Variants in BANP observed in about 807,000 individuals in gnomAD.
BANP encodes protein BANP.
A neutral mutation model predicts 68.1 loss-of-function variants in BANP; 11 were observed. The ratio of observed to expected loss-of-function variants is 0.16; its 90% CI spans 0.10 to 0.27. BANP has a LOEUF of 0.27. Ranked by LOEUF, BANP falls within the 10% of genes least tolerant of loss-of-function variation. The pLI, the probability that BANP is intolerant of heterozygous loss-of-function variation, is 1.00. For synonymous variants in BANP, 329 were observed against 303.2 expected, an observed-to-expected ratio of 1.09 and a Z score of -0.88; for missense variants, 504 against 722.7, an observed-to-expected ratio of 0.70 and a Z score of 3.47.
intron 1 of BANP, chr16:87,963,575 C>G (rs1597796842): frequency 6.6e-6 from 1 of 152,264 alleles, no homozygotes; most frequent in East Asian, 1.9e-4. Flanking sequence ...TGACTGCGTC[C>G]AAATCAGATG....
At chr16:88,070,587 G>T (rs1310964817) in intron 12 of BANP, among the ~76,000 whole-genome samples, 1 of 152,150 alleles carries the variant, frequency 6.6e-6, no homozygotes, top group African/African-American at 2.4e-5. Flanking sequence ...TGTCTGCAAA[G>T]GACCAGGGGG....
At chr16:88,073,422 G>GCA (rs1233170990) in intron 13 of BANP, among the ~76,000 whole-genome samples, 1 of 151,906 alleles carries the variant, frequency 6.6e-6, no homozygotes, top group Non-Finnish European at 1.5e-5. Context: ...CTGCCCATGG[G>GCA]CGCGGTGGCC....
At chr16:87,963,350 C>T (rs1258206910) in intron 1 of BANP, 1 of 152,264 alleles carries the variant, frequency 6.6e-6, no homozygotes, top group East Asian at 1.9e-4. Context: ...CTTTTTACAG[C>T]AGGGAATATA....
chr16:88,061,024 C>T (rs931619598), intron 11 of BANP, among the ~76,000 whole-genome samples: 4 of 152,276 alleles, frequency 2.6e-5, no homozygotes, highest in Non-Finnish European at 5.9e-5. Flanking sequence ...CTCCCAGGAG[C>T]GCCGCCCTGC....
rs1278001385 is a variant in BANP at position 88,036,045 on chromosome 16, G to A, written c.1272+651G>A. Among the ~76,000 whole-genome samples, 2 of 152,214 alleles carry A rather than the reference G, an allele frequency of 1.3e-5. No homozygotes were observed. Among genetic ancestry groups the A allele is most frequent in the Non-Finnish European group, 2.9e-5 (2 of 68,042 alleles). ...TGGAAAGCCGAGGCCAGCCTGTTGC[G>A]ATGCTCCATGTTTGCATGCCAGAGC... is the stretch of plus-strand genomic sequence containing the variant. On this transcript the variant is annotated intron_variant, in intron 10 of 13. Transcript: ENST00000682872. The surrounding 1 kb of genome is among the most constrained non-coding windows in gnomAD (Gnocchi z 4.2).
intron 7 of BANP, among the ~76,000 whole-genome samples, chr16:88,019,483 G>T (rs1390363612): frequency 6.6e-6 from 1 of 150,596 alleles, no homozygotes; most frequent in African/African-American, 2.4e-5. Flanking sequence ...ATGTAAATCT[G>T]ATCTCGAAAC....
At chr16:87,958,842 T>C (rs574016138) in intron 1 of BANP, among the ~76,000 whole-genome samples, 2 of 152,192 alleles carry the variant, frequency 1.3e-5, no homozygotes, top group South Asian at 4.1e-4. Flanking sequence ...AATCCACCAG[T>C]GAGCTCAGCG....
In BANP at chr16:88,056,736, A is replaced by G. The variant is rs114550676; in HGVS notation, c.1312-8531A>G. Among the ~76,000 whole-genome samples, 1,449 of 152,254 alleles carry G rather than the reference A, an allele frequency of 9.5e-3. 19 individuals carry two copies. Among genetic ancestry groups the G allele is most frequent in the African/African-American group, 0.032 (1,337 of 41,532 alleles). On this transcript the variant is annotated intron_variant, in intron 11 of 13. Transcript: ENST00000682872. ...ATGATTCGAAGATTGTTTTTGATCA[A>G]TTTTACCATTTTCAAATATATATTT... is the stretch of plus-strand genomic sequence containing the variant.
At chr16:88,038,961 A>G (rs1369126632) in intron 11 of BANP, among the ~76,000 whole-genome samples, 1 of 152,234 alleles carries the variant, frequency 6.6e-6, no homozygotes, top group Non-Finnish European at 1.5e-5. Flanking sequence ...AGAAACCTGC[A>G]TGCGTTCTCT....
chr16:88,030,513 C>T (rs2077942668), intron 8 of BANP, among the ~76,000 whole-genome samples: 1 of 152,216 alleles, frequency 6.6e-6, no homozygotes, highest in South Asian at 2.1e-4. Context: ...AGTTAAATGA[C>T]TTGCCAGGAC....
chr16:88,024,461 G>A (rs1191875933), intron 7 of BANP, among the ~76,000 whole-genome samples: 1 of 152,224 alleles, frequency 6.6e-6, no homozygotes, highest in East Asian at 1.9e-4. Context: ...TAAATTCAAG[G>A]TGATCTTTTG....
intron 8 of BANP, 121 bp downstream of exon 8, chr16:88,027,771 G>C: frequency 8.0e-7 from 1 of 1,243,822 alleles, no homozygotes; most frequent in Non-Finnish European, 1.1e-6. Flanking sequence ...GCCGAGGCCA[G>C]AGGCTTGCGC....
At chr16:88,052,736 C>G (rs2083554081) in intron 11 of BANP, among the ~76,000 whole-genome samples, 1 of 151,928 alleles carries the variant, frequency 6.6e-6, no homozygotes, top group Non-Finnish European at 1.5e-5. Flanking sequence ...ACCACCCTAA[C>G]CACTACCACC....
At chr16:88,056,836 A>G (rs1372141564) in intron 11 of BANP, among the ~76,000 whole-genome samples, 1 of 152,254 alleles carries the variant, frequency 6.6e-6, no homozygotes, top group African/African-American at 2.4e-5. Flanking sequence ...CATTGAGTGA[A>G]TGAATACAAT....
chr16:88,052,871 C>T (rs2083600210), intron 11 of BANP, among the ~76,000 whole-genome samples: 1 of 151,416 alleles, frequency 6.6e-6, no homozygotes, highest in African/African-American at 2.5e-5. Context: ...CTAACAATCA[C>T]TACCACCACC....
Position 88,021,488 on chromosome 16 carries a change from G to T in BANP, c.895+2821G>T, listed in dbSNP as rs1020102232. ...CCTGTCCACAGGGCCGTGTGGAGGG[G>T]CCTGGAGCAACTGCTGCGTATGGAC... On this transcript the variant is annotated intron_variant, in intron 7 of 13. Coordinates refer to ENST00000682872, the MANE Select transcript of BANP (RefSeq NM_001386991.1). Among the ~76,000 whole-genome samples the T allele has an allele frequency of 8.7e-4, 132 of 152,282 alleles. 1 individual carries two copies. The highest frequency in any genetic ancestry group is 9.7e-4 in the Non-Finnish European group (66 of 68,016).
At chr16:88,007,650 C>G (rs1382791604) in intron 6 of BANP, among the ~76,000 whole-genome samples, 1 of 152,242 alleles carries the variant, frequency 6.6e-6, no homozygotes, top group Non-Finnish European at 1.5e-5. Flanking sequence ...TTTTCTGCAT[C>G]TGCGTCTGAG....
chr16:87,963,348 AGCAGGGAATATACTCAGTTCATATTTTT>A (rs1193320587), intron 1 of BANP: 2 of 152,262 alleles, frequency 1.3e-5, no homozygotes, highest in Admixed American at 1.3e-4. Context: ...AACTTTTTAC[AGCAGGGAATATACTCAGTTCATATTTTT>A]GCCATCTGTA....
chr16:88,047,341 C>T (rs1278901778), intron 11 of BANP, among the ~76,000 whole-genome samples: 2 of 152,206 alleles, frequency 1.3e-5, no homozygotes, highest in Non-Finnish European at 2.9e-5. Context: ...TTTCTCCCCA[C>T]ATCTCCGTTA....
Sources: allele counts gnomAD v4.1 joint callset (sites outside exome capture counted in the v4.1 genomes callset), GRCh38; gene constraint gnomAD v4.1.1; non-coding constraint Gnocchi (gnomAD v3.1); transcripts MANE v1.5; gene names NCBI Gene and HGNC (gene_info 2026-07-23, HGNC 2026-07-21).